Variants in KLF12 observed in about 807,000 individuals in gnomAD.
The protein encoded by KLF12 is KLF transcription factor 12.
Under a neutral mutation model 37.8 loss-of-function variants are expected in KLF12, and 9 were observed. The ratio of observed to expected loss-of-function variants is 0.24; its 90% confidence interval spans 0.14 to 0.42. KLF12 has a LOEUF of 0.42. Among genes scored for constraint, KLF12 ranks in the 10% least tolerant of loss-of-function variants. KLF12 has a pLI of 1.00. For missense variants in KLF12, 411 were observed against 516.0 expected (o/e 0.80, Z 1.97); for synonymous variants, 208 against 202.1 (o/e 1.03, Z -0.25).
intron 1 of KLF12, among the ~76,000 whole-genome samples, chr13:74,096,929 G>A (rs953881704): frequency 1.3e-5 from 2 of 152,100 alleles, no homozygotes; most frequent in Non-Finnish European, 2.9e-5. Flanking sequence ...TGAAACAAAG[G>A]AGTTAAAAGC....
At position 73,686,829 on chromosome 13, in the gene KLF12, C is replaced by T. The variant is rs944891044; in HGVS notation, c.*8661G>A. ...TAAAGGATGTTTCTGTATTTTCACA[C>T]GGACAGATCTCGTGATCCAATCACC... On this transcript the variant is annotated 3_prime_UTR_variant, in exon 8 of 8. Transcript: ENST00000377669. The T allele has an allele frequency of 2.6e-5, 4 of 152,104 alleles. No homozygotes were observed. Among genetic ancestry groups the T allele is most frequent in the East Asian group, 1.9e-4 (1 of 5,196 alleles). The allele number at this position is 152,104 out of a possible 1,614,324, so 9.4% of individuals were successfully genotyped here.
At chr13:74,071,955 T>C (rs1047999313) in intron 1 of KLF12, among the ~76,000 whole-genome samples, 3 of 152,092 alleles carry the variant, frequency 2.0e-5, no homozygotes, top group Admixed American at 6.6e-5. Flanking sequence ...TAGCATCTTC[T>C]AAATTTTCCT....
intron 3 of KLF12, among the ~76,000 whole-genome samples, chr13:73,896,005 A>G (rs1414169733): frequency 5.3e-5 from 8 of 151,986 alleles, no homozygotes; most frequent in Non-Finnish European, 7.4e-5. Flanking sequence ...ATTTTTTAGT[A>G]GAGAGAGGGT....
the KLF12 span, among the ~76,000 whole-genome samples, chr13:74,239,914 C>T: frequency 6.6e-6 from 1 of 151,308 alleles, no homozygotes; most frequent in East Asian, 2.0e-4. Flanking sequence ...CAGTCTGTGT[C>T]TTTTAATTGG....
the KLF12 span, among the ~76,000 whole-genome samples, chr13:74,210,050 T>C: frequency 1.3e-4 from 20 of 152,330 alleles, no homozygotes; most frequent in African/African-American, 4.3e-4. Flanking sequence ...ATTTTTTATA[T>C]CATTACTTTG....
At chr13:74,108,238 C>T (rs946880049) in intron 1 of KLF12, among the ~76,000 whole-genome samples, 2 of 152,006 alleles carry the variant, frequency 1.3e-5, no homozygotes, top group African/African-American at 4.8e-5. Context: ...TCTAAATAAA[C>T]CATATATCAT....
chr13:73,881,554 A>G (rs1886980218), intron 3 of KLF12, among the ~76,000 whole-genome samples: 1 of 152,160 alleles, frequency 6.6e-6, no homozygotes, highest in Non-Finnish European at 1.5e-5. Flanking sequence ...TATGTCCCAT[A>G]TGAAAAGTTT....
the KLF12 span, among the ~76,000 whole-genome samples, chr13:74,207,671 T>TCAAAAA: frequency 6.6e-6 from 1 of 152,082 alleles, no homozygotes; most frequent in African/African-American, 2.4e-5. Flanking sequence ...AGACTCCATC[T>TCAAAAA]CAAAAACAAA....
chr13:73,782,489 C>A (rs1881027132), intron 5 of KLF12, among the ~76,000 whole-genome samples: 1 of 152,188 alleles, frequency 6.6e-6, no homozygotes, highest in Admixed American at 6.5e-5. Flanking sequence ...AGCTAACTCC[C>A]AAATTGTACC....
At chr13:73,735,159 T>C (rs1173252525) in intron 6 of KLF12, among the ~76,000 whole-genome samples, 2 of 149,174 alleles carry the variant, frequency 1.3e-5, no homozygotes, top group African/African-American at 4.9e-5. Flanking sequence ...AAGCCAGCTA[T>C]TGTGACACAT....
chr13:73,985,778 C>T (rs1307658473), intron 2 of KLF12, among the ~76,000 whole-genome samples: 1 of 152,086 alleles, frequency 6.6e-6, no homozygotes, highest in African/African-American at 2.4e-5. Flanking sequence ...TGTGTGAAGA[C>T]GGATGAAAAG....
At chr13:74,144,053 A>G in the KLF12 span, among the ~76,000 whole-genome samples, 1 of 152,192 alleles carries the variant, frequency 6.6e-6, no homozygotes, top group Non-Finnish European at 1.5e-5. Context: ...CACTTCCACT[A>G]AAGTAGGAGT....
Position 73,994,996 on chromosome 13 carries a change from T to G in KLF12, c.27A>C (p.Thr9=), listed in dbSNP as rs1355715369. 1.9e-6 allele frequency: 3 copies of G among 1,600,240 alleles called. No homozygotes were observed. Among genetic ancestry groups the G allele is most frequent in the South Asian group, 2.2e-5 (2 of 90,304 alleles). Residue 9 remains threonine (T), a synonymous_variant, in exon 2 of 8, where the codon ACA becomes ACC. Coordinates refer to ENST00000377669, the MANE Select transcript of KLF12 (RefSeq NM_007249.5). The stretch of plus-strand genomic sequence containing the variant: ...TAACATCTGACTAACCAACCTTTAT[T>G]GTTTTTCTCTTCATATGGATATTCA...
chr13:74,105,577 A>AAAGATCTTTGTTAAAAGTG (rs1447469882), intron 1 of KLF12, among the ~76,000 whole-genome samples: 1 of 152,078 alleles, frequency 6.6e-6, no homozygotes, highest in Non-Finnish European at 1.5e-5. Context: ...GAAGAGGGGA[A>AAAGATCTTTGTTAAAAGTG]AAGATCTTTG....
At chr13:74,261,337 T>C in the KLF12 span, among the ~76,000 whole-genome samples, 2 of 152,168 alleles carry the variant, frequency 1.3e-5, no homozygotes, top group Non-Finnish European at 2.9e-5. Context: ...TACCTGTTTA[T>C]GGATGCAATT....
At chr13:73,719,036 G>A (rs1380545440) in intron 6 of KLF12, among the ~76,000 whole-genome samples, 3 of 152,210 alleles carry the variant, frequency 2.0e-5, no homozygotes, top group African/African-American at 7.2e-5. Context: ...GACATTCAAT[G>A]GGTAGATTTT....
At chr13:74,241,637 G>A in the KLF12 span, among the ~76,000 whole-genome samples, 20 of 152,246 alleles carry the variant, frequency 1.3e-4, no homozygotes, top group African/African-American at 3.9e-4. Flanking sequence ...GCCAGGTGCC[G>A]GATATAATCT....
intron 1 of KLF12, among the ~76,000 whole-genome samples, chr13:74,111,345 T>C (rs1388891762): frequency 6.6e-6 from 1 of 152,094 alleles, no homozygotes; most frequent in East Asian, 1.9e-4. Flanking sequence ...TTCTTAATAT[T>C]CTTGTCATTT....
the KLF12 span, among the ~76,000 whole-genome samples, chr13:74,222,591 T>C: frequency 1.4e-4 from 21 of 152,338 alleles, no homozygotes; most frequent in South Asian, 4.3e-3. Context: ...CCAGCTCTTA[T>C]TCTTCCAAAA....
Sources: gnomAD v4.1 joint callset for allele counts (sites outside exome capture counted in the v4.1 genomes callset) on GRCh38, gnomAD v4.1.1 for gene constraint, MANE v1.5 for transcripts, NCBI Gene and HGNC (gene_info 2026-07-23, HGNC 2026-07-21) for gene names.